The following SKAP1 variants were observed in gnomAD, a reference collection of about 807,000 sequenced individuals.
SKAP1 encodes the protein src kinase-associated phosphoprotein 1.
Under a neutral mutation model 58.5 loss-of-function variants are expected in SKAP1, and 44 were observed. That is an observed-to-expected ratio of 0.75 (90% CI 0.59 to 0.97). The LOEUF (loss-of-function observed/expected upper bound fraction) is 0.97, where lower values mean the gene tolerates loss of function less well. Among genes scored for constraint, SKAP1 ranks in the 50% least tolerant of loss-of-function variants. SKAP1 has a pLI of 0.00. For synonymous variants in SKAP1, 127 were observed against 149.7 expected, an observed-to-expected ratio of 0.85 and a Z score of 1.11; for missense variants, 390 against 435.2, an observed-to-expected ratio of 0.90 and a Z score of 0.92.
chr17:48,234,790 G>GTA (rs1412457835), intron 4 of SKAP1, among the ~76,000 whole-genome samples: 1 of 152,010 alleles, frequency 6.6e-6, no homozygotes, highest in African/African-American at 2.4e-5. Context: ...AATTACAAAT[G>GTA]TATGCATTAA....
At chr17:48,294,948 C>T (rs964912207) in intron 4 of SKAP1, among the ~76,000 whole-genome samples, 4 of 152,156 alleles carry the variant, frequency 2.6e-5, no homozygotes, top group Non-Finnish European at 1.5e-5. Flanking sequence ...TGATGGTACA[C>T]CTATGTGACA....
At chr17:48,350,960 T>C (rs912318945) in intron 3 of SKAP1, among the ~76,000 whole-genome samples, 1 of 152,154 alleles carries the variant, frequency 6.6e-6, no homozygotes, top group Non-Finnish European at 1.5e-5. Flanking sequence ...CTGATCCAAG[T>C]CCAGTTAGTT....
At chr17:48,396,570 C>A in intron 2 of SKAP1, 110 bp downstream of exon 2, 1 of 615,868 alleles carries the variant, frequency 1.6e-6, no homozygotes, top group Non-Finnish European at 2.8e-6. Flanking sequence ...TAAGTTTCTG[C>A]CAAGTATAAA....
At chr17:48,184,925 T>TA in intron 6 of SKAP1, 78 bp from the exon 7 acceptor site, 1 of 1,429,296 alleles carries the variant, frequency 7.0e-7, no homozygotes, top group Non-Finnish European at 9.5e-7. Context: ...GTATGTAAAA[T>TA]AAAAGCACAG....
Position 48,162,546 on chromosome 17 carries a change from C to T in SKAP1, c.901G>A (p.Gly301Ser). Residue 301 changes from glycine (G) to serine (S), a missense_variant, in exon 11 of 13, where the codon GGC becomes AGC. Coordinates refer to ENST00000336915, the MANE Select transcript of SKAP1 (RefSeq NM_003726.4). ...KGVDYASYYQ[G>S]LWDCHGDQPD... is the part of the protein sequence containing the mutation. Reference sequence around the variant, plus strand: ...TGGTCACCATGGCAATCCCATAGGCCCTGGTAGTAACTGGCATAGTCTACT... The same window carrying T: ...TGGTCACCATGGCAATCCCATAGGCTCTGGTAGTAACTGGCATAGTCTACT... The T allele has an allele frequency of 6.2e-7, 1 of 1,613,218 alleles. No homozygotes were observed. Among genetic ancestry groups the T allele is most frequent in the Non-Finnish European group, 8.5e-7 (1 of 1,179,536 alleles).
At chr17:48,237,518 T>C (rs2065194663) in intron 4 of SKAP1, among the ~76,000 whole-genome samples, 1 of 152,228 alleles carries the variant, frequency 6.6e-6, no homozygotes, top group Admixed American at 6.5e-5. Context: ...TTTAAATTTA[T>C]GCTACAAGCA....
Position 48,281,913 on chromosome 17 carries a change from A to G in SKAP1, c.280+63992T>C, listed in dbSNP as rs538578381. Among the ~76,000 whole-genome samples, 8 of 152,364 alleles carry G rather than the reference A, an allele frequency of 5.3e-5. No individual in the cohort carries two copies. In the East Asian group the frequency reaches 1.5e-3, roughly 29 times the overall value. On this transcript the variant is annotated intron_variant, in intron 4 of 12. Coordinates refer to ENST00000336915, the MANE Select transcript of SKAP1 (RefSeq NM_003726.4). Reference sequence around the variant, plus strand: ...TTAAAAATCCTAGTTTATCTAATGCATATATTTTTAGTACTGCAGCAATAA... The same window carrying G: ...TTAAAAATCCTAGTTTATCTAATGCGTATATTTTTAGTACTGCAGCAATAA...
At chr17:48,318,431 T>C (rs920203559) in intron 4 of SKAP1, among the ~76,000 whole-genome samples, 3 of 152,226 alleles carry the variant, frequency 2.0e-5, no homozygotes, top group African/African-American at 7.2e-5. Flanking sequence ...GATATTTTCA[T>C]TCACTTGGCT....
At chr17:48,340,417 T>C (rs1024481055) in intron 4 of SKAP1, among the ~76,000 whole-genome samples, 1 of 151,938 alleles carries the variant, frequency 6.6e-6, no homozygotes, top group Non-Finnish European at 1.5e-5. Context: ...TTTCACACAG[T>C]CCTCTCAGGA....
chr17:48,371,768 T>C (rs1598624251), intron 2 of SKAP1, among the ~76,000 whole-genome samples: 1 of 147,674 alleles, frequency 6.8e-6, no homozygotes, highest in African/African-American at 2.5e-5. Context: ...GCCTGTGAGG[T>C]TGAGGCAGCA....
intron 11 of SKAP1, among the ~76,000 whole-genome samples, chr17:48,144,951 T>C (rs1303448399): frequency 1.3e-5 from 2 of 152,194 alleles, no homozygotes; most frequent in Admixed American, 1.3e-4. Flanking sequence ...ATGCTCACTA[T>C]TCCATAACTC....
At chr17:48,250,313 A>C (rs2065348904) in intron 4 of SKAP1, among the ~76,000 whole-genome samples, 2 of 103,406 alleles carry the variant, frequency 1.9e-5, no homozygotes, top group Non-Finnish European at 1.8e-5. Context: ...ATGGAGTTTC[A>C]CTCTGTCGCC....
intron 4 of SKAP1, among the ~76,000 whole-genome samples, chr17:48,298,571 G>A (rs2066013265): frequency 6.6e-6 from 1 of 152,214 alleles, no homozygotes; most frequent in Admixed American, 6.5e-5. Flanking sequence ...ACACTGAGTA[G>A]TACACTATTC....
At chr17:48,137,920 A>G (rs1423669103) in intron 11 of SKAP1, among the ~76,000 whole-genome samples, 11 of 152,200 alleles carry the variant, frequency 7.2e-5, no homozygotes, top group Non-Finnish European at 1.2e-4. Flanking sequence ...TAGGGATAAT[A>G]TCTCCCTTCT....
intron 2 of SKAP1, among the ~76,000 whole-genome samples, chr17:48,379,994 C>T (rs2067195879): frequency 6.6e-6 from 1 of 152,094 alleles, no homozygotes; most frequent in East Asian, 1.9e-4. Flanking sequence ...AAGTATCATT[C>T]TTACCCATTT....
At chr17:48,151,725 A>C (rs369880697) in intron 11 of SKAP1, among the ~76,000 whole-genome samples, 3 of 152,338 alleles carry the variant, frequency 2.0e-5, no homozygotes, top group African/African-American at 7.2e-5. Context: ...ACAATGCTCC[A>C]TGTAAGTTCT....
intron 11 of SKAP1, among the ~76,000 whole-genome samples, chr17:48,157,959 C>T (rs1049440590): frequency 6.0e-5 from 9 of 150,330 alleles, no homozygotes; most frequent in Admixed American, 1.3e-4. Flanking sequence ...GGGTGGATCA[C>T]CTGAGGTCAG....
chr17:48,252,716 GTGTGTGT>G (rs2065378363), intron 4 of SKAP1, among the ~76,000 whole-genome samples: 1 of 52,300 alleles, frequency 1.9e-5, no homozygotes, highest in South Asian at 4.2e-4. Context: ...CTAAGCTAGT[GTGTGTGT>G]GTGTGTGTGT....
chr17:48,357,487 G>A (rs916091681), intron 3 of SKAP1, among the ~76,000 whole-genome samples: 24 of 152,092 alleles, frequency 1.6e-4, no homozygotes, highest in Middle Eastern at 3.4e-3. Flanking sequence ...AAAATTAGCC[G>A]GGCGTGGTGG....
Sources: allele counts gnomAD v4.1 joint callset (sites outside exome capture counted in the v4.1 genomes callset), GRCh38; gene constraint gnomAD v4.1.1; transcripts MANE v1.5; gene names NCBI Gene and HGNC (gene_info 2026-07-23, HGNC 2026-07-21).